NPIPB12: variants seen among roughly 807,000 people sequenced by gnomAD.
The protein encoded by NPIPB12 is nuclear pore complex-interacting protein family member B12.
intron 2 of NPIPB12, among the ~76,000 whole-genome samples, chr16:29,504,466 T>C (rs1312509697): frequency 1.9e-4 from 25 of 130,360 alleles, no homozygotes; most frequent in African/African-American, 4.0e-4. Context: ...GATTGTGCCA[T>C]TGCACTCCAG....
At chr16:29,504,514 ATG>A (rs375593232) in intron 2 of NPIPB12, among the ~76,000 whole-genome samples, 10,866 of 137,510 alleles carry the variant, frequency 0.079, 99 homozygotes, top group East Asian at 0.18. Flanking sequence ...CAAAAAATAT[ATG>A]TGTGTGTGTG....
At chr16:29,504,514 ATGTGTGTGTGTGTGTGTGTGTG>A (rs375593232) in intron 2 of NPIPB12, among the ~76,000 whole-genome samples, 37 of 137,916 alleles carry the variant, frequency 2.7e-4, no homozygotes, top group Non-Finnish European at 5.1e-4. Context: ...CAAAAAATAT[ATGTGTGTGTGTGTGTGTGTGTG>A]TGTGTGTGTG....
chr16:29,497,513 CA>C (rs1272125245), intron 1 of NPIPB12, among the ~76,000 whole-genome samples: 8 of 37,856 alleles, frequency 2.1e-4, no homozygotes, highest in South Asian at 1.5e-3. Flanking sequence ...GACTCTGTCT[CA>C]AAAAAAAAAA....
intron 4 of NPIPB12, among the ~76,000 whole-genome samples, chr16:29,490,261 A>C (rs1965063450): frequency 1.5e-5 from 1 of 67,152 alleles, no homozygotes; most frequent in Non-Finnish European, 2.8e-5. Context: ...GCAAAATACA[A>C]TGTCATATGA....
At chr16:29,504,451 G>T (rs1367151667), upstream of NPIPB12, among the ~76,000 whole-genome samples, 1 of 124,948 alleles carries the variant, frequency 8.0e-6, no homozygotes, top group Non-Finnish European at 1.7e-5. Context: ...GTTGCAGTGA[G>T]CCAAGATTGT....
At chr16:29,490,532 C>T (rs1965068900) in intron 4 of NPIPB12, among the ~76,000 whole-genome samples, 1 of 148,970 alleles carries the variant, frequency 6.7e-6, no homozygotes, top group African/African-American at 2.5e-5. Flanking sequence ...GAGTTCTAGA[C>T]CAGCTTGGCC....
At chr16:29,490,896 C>T (rs1233868063) in intron 4 of NPIPB12, among the ~76,000 whole-genome samples, 2 of 82,016 alleles carry the variant, frequency 2.4e-5, no homozygotes, top group East Asian at 4.6e-4. Context: ...GAGACTCTAT[C>T]TCAAAATTAA....
At chr16:29,490,547 T>C (rs1452373246) in intron 4 of NPIPB12, among the ~76,000 whole-genome samples, 3 of 146,802 alleles carry the variant, frequency 2.0e-5, no homozygotes, top group East Asian at 4.1e-4. Flanking sequence ...TTGGCCAATA[T>C]GGTGAAACCC....
In NPIPB12 at chr16:29,490,206, T is replaced by A. The variant is rs1411044692; in HGVS notation, c.449+1261A>T. On this transcript the variant is annotated intron_variant, in intron 4 of 5. Transcript: ENST00000617311. ...CCTCAATTCATTGCTAAACATTTTTTAACAAGTATCTCACATTTAACAAAA... is the reference window on the plus strand; with the variant it reads ...CCTCAATTCATTGCTAAACATTTTTAAACAAGTATCTCACATTTAACAAAA... Among the ~76,000 whole-genome samples, 6 of 34,376 alleles carry A rather than the reference T, an allele frequency of 1.7e-4. No individual in the cohort carries two copies. The South Asian group carries it at 0.013, about 77-fold the overall frequency. 22.6% of individuals were successfully genotyped at this position (34,376 alleles called of 152,430 possible). A position where few individuals can be genotyped will look rare whatever the true frequency, so the allele number is the denominator to read the frequency against.
intron 2 of NPIPB12, among the ~76,000 whole-genome samples, chr16:29,492,785 T>C (rs1160294115): frequency 2.3e-5 from 3 of 130,044 alleles, no homozygotes; most frequent in African/African-American, 5.8e-5. Flanking sequence ...AGAGTGAGAC[T>C]CCGTCTCAAA....
intron 1 of NPIPB12, among the ~76,000 whole-genome samples, chr16:29,496,919 A>C (rs1965138949): frequency 6.2e-5 from 1 of 16,124 alleles, no homozygotes; most frequent in African/African-American, 1.5e-4. Flanking sequence ...CTGGTCTCCA[A>C]CTCCTGACCT....
chr16:29,504,514 A>ATGTG (rs375593232), intron 2 of NPIPB12, among the ~76,000 whole-genome samples: 2 of 137,812 alleles, frequency 1.5e-5, no homozygotes, highest in Non-Finnish European at 1.6e-5. Context: ...CAAAAAATAT[A>ATGTG]TGTGTGTGTG....
upstream of NPIPB12, among the ~76,000 whole-genome samples, chr16:29,504,320 A>G (rs1367588619): frequency 1.1e-5 from 1 of 91,138 alleles, no homozygotes; most frequent in Non-Finnish European, 2.3e-5. Flanking sequence ...AGCCTGGCCA[A>G]TATGGTGAAA....
chr16:29,485,115 G>GGGAGTGAGCACACA, downstream of NPIPB12: 1 of 246,116 alleles, frequency 4.1e-6, no homozygotes, highest in South Asian at 5.3e-5. Context: ...AGGGTGGAAG[G>GGGAGTGAGCACACA]CAGGTGTCTT....
At chr16:29,504,543 T>C (rs1295205895) in intron 2 of NPIPB12, among the ~76,000 whole-genome samples, 30 of 145,806 alleles carry the variant, frequency 2.1e-4, no homozygotes, top group African/African-American at 7.0e-4. Flanking sequence ...TGTGTGTGTG[T>C]GTGTGTGTGT....
chr16:29,498,331 T>TA (rs1965165795), intron 1 of NPIPB12, among the ~76,000 whole-genome samples: 1 of 148,084 alleles, frequency 6.8e-6, no homozygotes, highest in South Asian at 2.2e-4. Flanking sequence ...AATAAATAAA[T>TA]AAATAAAATA....
intron 4 of NPIPB12, among the ~76,000 whole-genome samples, chr16:29,490,729 CAAAAAA>C (rs1200754352): frequency 1.0e-3 from 2 of 1,924 alleles, no homozygotes; most frequent in Non-Finnish European, 1.7e-3. Context: ...GACTCTGTCT[CAAAAAA>C]AAAAAAAAAA....
chr16:29,504,530 G>GTGTA (rs1965214813), intron 2 of NPIPB12, among the ~76,000 whole-genome samples: 1 of 141,188 alleles, frequency 7.1e-6, no homozygotes, highest in Admixed American at 7.5e-5. Context: ...GTGTGTGTGT[G>GTGTA]TGTGTGTGTG....
At chr16:29,498,158 G>C (rs1965159184) in intron 1 of NPIPB12, among the ~76,000 whole-genome samples, 1 of 140,642 alleles carries the variant, frequency 7.1e-6, no homozygotes, top group African/African-American at 2.5e-5. Context: ...AAATTAGCTG[G>C]GAGTGGTGCC....
Sources: gnomAD v4.1 joint callset for allele counts (sites outside exome capture counted in the v4.1 genomes callset) on GRCh38, gnomAD v4.1.1 for gene constraint, MANE v1.5 for transcripts, NCBI Gene and HGNC (gene_info 2026-07-23, HGNC 2026-07-21) for gene names.